TCP11: variants seen among roughly 807,000 people sequenced by gnomAD.
TCP11 encodes the protein T-complex protein 11 homolog.
Under a neutral mutation model 45.0 loss-of-function variants are expected in TCP11, and 34 were observed. The ratio of observed to expected loss-of-function variants is 0.76; its 90% CI spans 0.57 to 1.01. The LOEUF (loss-of-function observed/expected upper bound fraction) is 1.01, where lower values mean the gene tolerates loss of function less well. Among genes scored for constraint, TCP11 ranks in the 50% least tolerant of loss-of-function variants. TCP11 has a pLI of 0.00. For missense variants in TCP11, 523 were observed against 598.1 expected (o/e 0.87, Z 1.31); for synonymous variants, 227 against 227.0 (o/e 1.00, Z 0.00).
chr6:35,133,882 TTC>T (rs2127677700), intron 3 of TCP11, among the ~76,000 whole-genome samples: 1 of 152,326 alleles, frequency 6.6e-6, no homozygotes, highest in South Asian at 2.1e-4. Context: ...TGAATGGTTC[TTC>T]TTTACCACAA....
chr6:35,140,457 TC>T, intron 2 of TCP11: 2 of 558,466 alleles, frequency 3.6e-6, no homozygotes, highest in Non-Finnish European at 6.6e-6. Context: ...TATCTGCCAA[TC>T]CCCCCTACAT....
intron 3 of TCP11, among the ~76,000 whole-genome samples, chr6:35,135,535 C>G (rs922202189): frequency 2.0e-5 from 3 of 150,972 alleles, no homozygotes; most frequent in Non-Finnish European, 4.4e-5. Context: ...CCTGTAATCC[C>G]AGCACTTTGG....
At position 35,118,147 on chromosome 6, in the gene TCP11, G is replaced by C; in HGVS notation, c.*122C>G. On this transcript the variant is annotated 3_prime_UTR_variant, in exon 10 of 10. Transcript: ENST00000311875. ...TTACATGCTTGATCCCTACAGCCTT[G>C]GTGTACTGGCTGCAGGGCCTGGGAT... The C allele has an allele frequency of 2.6e-6, 2 of 782,028 alleles. No homozygotes were observed. The highest frequency in any genetic ancestry group is 4.3e-6 in the Non-Finnish European group (2 of 461,948). The allele number at this position is 782,028 out of a possible 1,614,324, so 48.4% of individuals were successfully genotyped here.
At position 35,135,675 on chromosome 6, in the gene TCP11, G is replaced by A. The variant is rs547097824; in HGVS notation, c.236+432C>T. ...AGGTAGGAGGATCACTTGAGCCCAG[G>A]AGGCCATGACCATACTACTGCATAC... On this transcript the variant is annotated intron_variant, in intron 3 of 9. Coordinates refer to ENST00000311875, the MANE Select transcript of TCP11 (RefSeq NM_001370687.1). 8.9e-4 allele frequency among the ~76,000 whole-genome samples: 135 copies of A among 150,956 alleles called. 1 individual carries two copies. Among genetic ancestry groups the A allele is most frequent in the Middle Eastern group, 6.9e-3 (2 of 288 alleles).
chr6:35,136,096 A>G lies in TCP11; in HGVS notation c.236+11T>C, dbSNP rs189149465. Reference sequence around the variant, plus strand: ...GGATGAGCAACATGAAGAAAGAAGAAGAGTCTATACCTGCTTGGAGGTAAA... The same window carrying G: ...GGATGAGCAACATGAAGAAAGAAGAGGAGTCTATACCTGCTTGGAGGTAAA... On this transcript the variant is annotated intron_variant, in intron 3 of 9. Transcript: ENST00000311875. 8.1e-6 allele frequency: 13 copies of G among 1,603,310 alleles called. No individual in the cohort carries two copies. The African/African-American group carries it at 9.4e-5, about 12-fold the overall frequency.
At chr6:35,132,502 T>A (rs984059651) in intron 3 of TCP11, among the ~76,000 whole-genome samples, 1 of 152,234 alleles carries the variant, frequency 6.6e-6, no homozygotes, top group African/African-American at 2.4e-5. Flanking sequence ...ATCTCTATCC[T>A]TAGCACCCAG....
At chr6:35,126,770 C>T (rs540416248) in intron 4 of TCP11, among the ~76,000 whole-genome samples, 8 of 149,588 alleles carry the variant, frequency 5.3e-5, no homozygotes, top group Admixed American at 2.0e-4. Flanking sequence ...GCAATCCTTC[C>T]GTGTCAGTCT....
At chr6:35,139,934 G>A in intron 2 of TCP11, 1 of 1,356,954 alleles carries the variant, frequency 7.4e-7, no homozygotes, top group African/African-American at 1.5e-5. Flanking sequence ...TCATTTTACT[G>A]AGAGTTGTTT....
At chr6:35,137,962 C>T (rs1781286631) in intron 2 of TCP11, 1 of 359,454 alleles carries the variant, frequency 2.8e-6, no homozygotes. Context: ...AATAAGGTTA[C>T]TGTAGAAAAG....
intron 2 of TCP11, 29 bp from the exon 3 acceptor site, chr6:35,136,247 A>C: frequency 4.5e-6 from 7 of 1,550,120 alleles, no homozygotes; most frequent in Non-Finnish European, 6.2e-6. Flanking sequence ...GAGCCCATGC[A>C]AGTCTGAATT....
Position 35,141,296 on chromosome 6 carries a change from C to T in TCP11, c.-106G>A. ...GGAGCGTACCACCGCGGCGGAGCGG[C>T]GGGTTGGGGCGTCGCACGGTGAGAA... is the stretch of plus-strand genomic sequence containing the variant. On this transcript the variant is annotated 5_prime_UTR_variant, in exon 1 of 10. Transcript: ENST00000311875. The T allele has an allele frequency of 3.1e-6, 4 of 1,286,122 alleles. No homozygotes were observed. Among genetic ancestry groups the T allele is most frequent in the South Asian group, 4.6e-5 (2 of 43,468 alleles). The allele number at this position is 1,286,122 out of a possible 1,614,324, so 79.7% of individuals were successfully genotyped here. A position where few individuals can be genotyped will look rare whatever the true frequency, so the allele number is the denominator to read the frequency against.
intron 4 of TCP11, 84 bp from the exon 5 acceptor site, chr6:35,122,421 T>TA (rs1184510410): frequency 5.0e-6 from 6 of 1,209,126 alleles, no homozygotes; most frequent in Admixed American, 2.2e-5. Context: ...GCTAAAGACA[T>TA]ACCAGCCTAT....
chr6:35,133,169 T>C (rs1432139326), intron 3 of TCP11, among the ~76,000 whole-genome samples: 1 of 152,168 alleles, frequency 6.6e-6, no homozygotes, highest in Non-Finnish European at 1.5e-5. Context: ...TCATCTGTGA[T>C]ACAATATTTA....
At position 35,131,372 on chromosome 6, in the gene TCP11, G is replaced by A. The variant is rs548955831; in HGVS notation, c.237-2190C>T. ...CACCTGAGGCCAGGAGTTCGAGACC[G>A]GCCTGGCCAATATGGCAAAACCCTG... is the stretch of plus-strand genomic sequence containing the variant. On this transcript the variant is annotated intron_variant, in intron 3 of 9. Transcript: ENST00000311875. 4.5e-4 allele frequency among the ~76,000 whole-genome samples: 69 copies of A among 151,782 alleles called. 4 individuals are homozygous for A. Among genetic ancestry groups the A allele is most frequent in the African/African-American group, 1.4e-3 (60 of 41,384 alleles).
intron 3 of TCP11, among the ~76,000 whole-genome samples, chr6:35,135,903 GT>G (rs1166201011): frequency 3.3e-5 from 5 of 152,178 alleles, no homozygotes; most frequent in Non-Finnish European, 5.9e-5. Context: ...TGGTTTATTT[GT>G]TGACTAAGTA....
intron 3 of TCP11, among the ~76,000 whole-genome samples, chr6:35,131,163 C>T (rs1386302912): frequency 2.6e-5 from 4 of 152,170 alleles, no homozygotes; most frequent in Non-Finnish European, 5.9e-5. Context: ...ATCCCAGCTA[C>T]ACAGGAGGCT....
chr6:35,128,890 T>A, intron 4 of TCP11, 172 bp downstream of exon 4: 1 of 802,630 alleles, frequency 1.2e-6, no homozygotes, highest in Non-Finnish European at 1.9e-6. Context: ...CTCTCTGTTA[T>A]AATAATTTTT....
intron 2 of TCP11, among the ~76,000 whole-genome samples, chr6:35,138,642 A>C (rs1781380352): frequency 6.6e-6 from 1 of 152,174 alleles, no homozygotes; most frequent in Non-Finnish European, 1.5e-5. Context: ...TAATGGGTAC[A>C]AAAAATAGAA....
intron 4 of TCP11, among the ~76,000 whole-genome samples, chr6:35,123,278 C>T (rs1268887524): frequency 2.6e-5 from 4 of 152,126 alleles, no homozygotes; most frequent in Non-Finnish European, 5.9e-5. Flanking sequence ...CAGCAAGTTT[C>T]AAGTACTTTA....
Sources: allele counts gnomAD v4.1 joint callset (sites outside exome capture counted in the v4.1 genomes callset), GRCh38; gene constraint gnomAD v4.1.1; transcripts MANE v1.5; gene names NCBI Gene and HGNC (gene_info 2026-07-23, HGNC 2026-07-21).